FRMD6: variants seen among roughly 807,000 people sequenced by gnomAD.
FRMD6 encodes FERM domain-containing protein 6.
A neutral mutation model predicts 73.2 loss-of-function variants in FRMD6; 37 were observed. That is an observed-to-expected ratio of 0.51 (90% CI 0.39 to 0.66). FRMD6 has a LOEUF of 0.66. FRMD6 is among the 30% of genes least tolerant of loss of function. The probability of loss-of-function intolerance (pLI) is 0.00; values close to 1 mark genes in which losing one functional copy is unlikely to be tolerated. For synonymous variants in FRMD6, 273 were observed against 282.2 expected, an observed-to-expected ratio of 0.97 and a Z score of 0.33; for missense variants, 714 against 780.5, an observed-to-expected ratio of 0.91 and a Z score of 1.02.
At chr14:51,569,923 C>T (rs1888020740) in intron 1 of FRMD6, among the ~76,000 whole-genome samples, 1 of 151,958 alleles carries the variant, frequency 6.6e-6, no homozygotes, top group African/African-American at 2.4e-5. Context: ...TCACGCCATT[C>T]TCCTGCCTCA....
At chr14:51,533,495 A>G (rs1885708866) in intron 1 of FRMD6, among the ~76,000 whole-genome samples, 1 of 152,202 alleles carries the variant, frequency 6.6e-6, no homozygotes, top group Non-Finnish European at 1.5e-5. Flanking sequence ...TCTAATGCAT[A>G]GAGATTACGG....
At chr14:51,491,395 A>C (rs960380194) in intron 1 of FRMD6, 2 of 152,246 alleles carry the variant, frequency 1.3e-5, no homozygotes, top group Non-Finnish European at 2.9e-5. Flanking sequence ...TGAGTTTTTC[A>C]TTGATGGTTC....
At chr14:51,418,423 A>C in the FRMD6 span, among the ~76,000 whole-genome samples, 1 of 152,180 alleles carries the variant, frequency 6.6e-6, no homozygotes, top group Non-Finnish European at 1.5e-5. Context: ...CCTCAGCTGC[A>C]GGTCTGTTGG....
At chr14:51,711,646 A>G (rs750656403) in intron 8 of FRMD6, 50 bp downstream of exon 8, 1 of 1,327,110 alleles carries the variant, frequency 7.5e-7, no homozygotes, top group Non-Finnish European at 1.1e-6. Context: ...TCTTCTGTTT[A>G]CAGCATGCCT....
chr14:51,715,552 C>T (rs1897192257), intron 10 of FRMD6, 53 bp downstream of exon 10: 1 of 1,436,862 alleles, frequency 7.0e-7, no homozygotes, highest in Non-Finnish European at 9.4e-7. Context: ...CACCTGTGGC[C>T]TCTTACTCTG....
chr14:51,599,878 G>A (rs999943712), intron 2 of FRMD6: 15 of 147,998 alleles, frequency 1.0e-4, no homozygotes, highest in African/African-American at 3.5e-4. Flanking sequence ...ATCTAGTGTG[G>A]CCTCTGAGTG....
At chr14:51,411,708 G>A in the FRMD6 span, among the ~76,000 whole-genome samples, 6 of 152,206 alleles carry the variant, frequency 3.9e-5, no homozygotes, top group African/African-American at 4.8e-5. Context: ...TTAGAACCAG[G>A]AGTTAATTAA....
chr14:51,458,937 A>G, the FRMD6 span, among the ~76,000 whole-genome samples: 1 of 152,246 alleles, frequency 6.6e-6, no homozygotes, highest in Non-Finnish European at 1.5e-5. Flanking sequence ...GCTGCCAGAA[A>G]GAATGAGAGA....
At chr14:51,575,095 A>G (rs1412022051) in intron 2 of FRMD6, among the ~76,000 whole-genome samples, 2 of 152,218 alleles carry the variant, frequency 1.3e-5, no homozygotes, top group African/African-American at 4.8e-5. Context: ...GACCACTTTT[A>G]TGCCTAGAGA....
At chr14:51,693,362 A>G (rs1044183442) in intron 2 of FRMD6, among the ~76,000 whole-genome samples, 3 of 152,316 alleles carry the variant, frequency 2.0e-5, no homozygotes, top group African/African-American at 7.2e-5. Context: ...CAGTGTTAGT[A>G]TGATAATCTC....
intron 7 of FRMD6, among the ~76,000 whole-genome samples, chr14:51,710,348 G>C (rs1463181425): frequency 6.6e-6 from 1 of 152,008 alleles, no homozygotes; most frequent in Non-Finnish European, 1.5e-5. Context: ...CAAAGGACAA[G>C]GGAACATTCT....
chr14:51,636,868 T>C (rs1172013392), intron 2 of FRMD6, among the ~76,000 whole-genome samples: 2 of 152,172 alleles, frequency 1.3e-5, no homozygotes, highest in Non-Finnish European at 2.9e-5. Flanking sequence ...GAGGCCACTG[T>C]AGAGAAAAAA....
At chr14:51,648,924 G>A, upstream of FRMD6, among the ~76,000 whole-genome samples, 1 of 152,084 alleles carries the variant, frequency 6.6e-6, no homozygotes, top group Non-Finnish European at 1.5e-5. Flanking sequence ...TGTTTCCCTG[G>A]TGGGCAATGT....
At chr14:51,677,424 G>A (rs189045550) in intron 1 of FRMD6, among the ~76,000 whole-genome samples, 89 of 152,170 alleles carry the variant, frequency 5.8e-4, no homozygotes, top group African/African-American at 2.0e-3. Flanking sequence ...TCCCATGAAT[G>A]AGGGAATCAA....
chr14:51,593,879 A>G (rs1889547617), intron 2 of FRMD6, among the ~76,000 whole-genome samples: 6 of 152,158 alleles, frequency 3.9e-5, no homozygotes, highest in Admixed American at 3.9e-4. Context: ...ATATGTATAT[A>G]TATATGAACC....
At chr14:51,590,199 C>T (rs1195739059) in intron 2 of FRMD6, among the ~76,000 whole-genome samples, 1 of 151,860 alleles carries the variant, frequency 6.6e-6, no homozygotes, top group Non-Finnish European at 1.5e-5. Flanking sequence ...ACATTTTTTA[C>T]CTACAAAGAA....
At chr14:51,648,225 A>G (rs1208004659), upstream of FRMD6, among the ~76,000 whole-genome samples, 1 of 152,176 alleles carries the variant, frequency 6.6e-6, no homozygotes, top group Non-Finnish European at 1.5e-5. Context: ...AAATACCTGT[A>G]AAGGAATGTG....
the FRMD6 span, among the ~76,000 whole-genome samples, chr14:51,455,048 C>T: frequency 6.6e-6 from 1 of 152,010 alleles, no homozygotes; most frequent in Non-Finnish European, 1.5e-5. Context: ...AATAGGTAGT[C>T]TGTTGAGAGA....
At chr14:51,564,009 A>G (rs1447277964) in intron 1 of FRMD6, among the ~76,000 whole-genome samples, 5 of 152,186 alleles carry the variant, frequency 3.3e-5, no homozygotes, top group African/African-American at 7.2e-5. Flanking sequence ...AGTTTTTATT[A>G]CGGAAAATTT....
Sources: gnomAD v4.1 joint callset for allele counts (sites outside exome capture counted in the v4.1 genomes callset) on GRCh38, gnomAD v4.1.1 for gene constraint, MANE v1.5 for transcripts, NCBI Gene and HGNC (gene_info 2026-07-23, HGNC 2026-07-21) for gene names.